KCNH1: variants seen among roughly 807,000 people sequenced by gnomAD.
KCNH1 encodes voltage-gated delayed rectifier potassium channel KCNH1.
In KCNH1, 27 loss-of-function variants were observed where a neutral mutation model predicts 69.2. The ratio of observed to expected loss-of-function variants is 0.39; its 90% CI spans 0.29 to 0.54. The LOEUF is 0.54. Among genes scored for constraint, KCNH1 ranks in the 20% least tolerant of loss-of-function variants. The probability of loss-of-function intolerance (pLI) is 0.68; values close to 1 mark genes in which losing one functional copy is unlikely to be tolerated. For synonymous variants in KCNH1, 456 were observed against 487.7 expected (o/e 0.93, Z 0.86); for missense variants, 798 against 1,261.6 (o/e 0.63, Z 5.57).
At chr1:210,846,118 T>C (rs1574292256) in intron 7 of KCNH1, among the ~76,000 whole-genome samples, 1 of 152,202 alleles carries the variant, frequency 6.6e-6, no homozygotes, top group Admixed American at 6.5e-5. Context: ...TGCTCATGTG[T>C]AGGAAGAATC....
chr1:210,873,493 G>A (rs1686295096), intron 7 of KCNH1, among the ~76,000 whole-genome samples: 1 of 152,048 alleles, frequency 6.6e-6, no homozygotes, highest in South Asian at 2.1e-4. Flanking sequence ...GACTACAGGT[G>A]CATGCCACTG....
intron 5 of KCNH1, among the ~76,000 whole-genome samples, chr1:211,060,256 C>A (rs1294308018): frequency 6.6e-6 from 1 of 151,484 alleles, no homozygotes; most frequent in Non-Finnish European, 1.5e-5. Context: ...AAAGTTTATA[C>A]CAATAAATGC....
At chr1:210,782,809 GT>G (rs1366313785) in intron 9 of KCNH1, among the ~76,000 whole-genome samples, 6 of 152,212 alleles carry the variant, frequency 3.9e-5, no homozygotes, top group African/African-American at 1.4e-4. Flanking sequence ...TGAGGACACA[GT>G]AAGAAGGCAC....
At position 211,104,012 on chromosome 1, in the gene KCNH1, G is replaced by T. The variant is rs1691309686; in HGVS notation, c.204-410C>A. ...AAGGAGGGGAAATGGCTGAGAGAAA[G>T]AAGGAGAAAAACATTCCAAACAAAA... On this transcript the variant is annotated intron_variant, in intron 2 of 10. Transcript: ENST00000271751. Among the ~76,000 whole-genome samples, 3 of 152,166 alleles carry T rather than the reference G, an allele frequency of 2.0e-5. No homozygotes were observed. In the South Asian group the frequency reaches 6.2e-4, roughly 32 times the overall value.
At chr1:210,932,036 A>C (rs1194823443) in intron 6 of KCNH1, among the ~76,000 whole-genome samples, 1 of 152,144 alleles carries the variant, frequency 6.6e-6, no homozygotes, top group Non-Finnish European at 1.5e-5. Flanking sequence ...AGACAGTAAA[A>C]GGAACAGAAA....
chr1:210,751,356 C>G (rs115681985), intron 10 of KCNH1, among the ~76,000 whole-genome samples: 3,172 of 152,170 alleles, frequency 0.021, 107 homozygotes, highest in African/African-American at 0.072. Context: ...CATCCTCACA[C>G]GAAGAAAGCA....
At chr1:210,942,597 A>T (rs1228951446) in intron 6 of KCNH1, among the ~76,000 whole-genome samples, 3 of 152,194 alleles carry the variant, frequency 2.0e-5, no homozygotes, top group Non-Finnish European at 4.4e-5. Context: ...ATGAGAGTTA[A>T]TAAATAAGGA....
chr1:210,921,677 G>A (rs1156559240), intron 6 of KCNH1, among the ~76,000 whole-genome samples: 2 of 152,116 alleles, frequency 1.3e-5, no homozygotes, highest in East Asian at 1.9e-4. Flanking sequence ...TCCAGGCCAC[G>A]GCAGTTAATA....
rs532043413 is a variant in KCNH1 at position 211,040,968 on chromosome 1, C to A, written c.559-21712G>T. Among the ~76,000 whole-genome samples the A allele has an allele frequency of 3.5e-4, 53 of 152,318 alleles. 1 individual carries two copies. Among genetic ancestry groups the A allele is most frequent in the African/African-American group, 1.3e-3 (52 of 41,578 alleles). ...CACCTCCTCAAATGCTTTACCCAAG[C>A]CCTCAACCTGTGATCCTCTCCTTTT... On this transcript the variant is annotated intron_variant, in intron 5 of 10. Transcript: ENST00000271751.
In KCNH1 at chr1:211,133,602, C is replaced by T. The variant is rs1346377383; in HGVS notation, c.79+265G>A. 1.3e-5 allele frequency among the ~76,000 whole-genome samples: 2 copies of T among 152,160 alleles called. No homozygotes were observed. The highest frequency in any genetic ancestry group is 4.8e-5 in the African/African-American group (2 of 41,442). ...CTTTGCTCAGCAGCTGTCACGCATC[C>T]TTGGAGATAAGACCGAGAGGGCGCT... is the stretch of plus-strand genomic sequence containing the variant. On this transcript the variant is annotated intron_variant, in intron 1 of 10. Coordinates refer to ENST00000271751, the MANE Select transcript of KCNH1 (RefSeq NM_172362.3). The surrounding 1 kb of genome is among the most constrained non-coding windows in gnomAD (Gnocchi z 5.4).
chr1:210,830,313 C>A (rs538577825), intron 7 of KCNH1, among the ~76,000 whole-genome samples: 15 of 152,178 alleles, frequency 9.9e-5, no homozygotes, highest in Non-Finnish European at 1.8e-4. Flanking sequence ...TCAAGAGCTC[C>A]TTCCTCAGTG....
At chr1:211,042,684 A>G (rs1003438828) in intron 5 of KCNH1, among the ~76,000 whole-genome samples, 1 of 152,204 alleles carries the variant, frequency 6.6e-6, no homozygotes. Flanking sequence ...TCATCAGCAC[A>G]TGGAACTTTC....
chr1:210,785,447 T>C (rs896747978), intron 9 of KCNH1, among the ~76,000 whole-genome samples: 4 of 150,810 alleles, frequency 2.7e-5, no homozygotes. Flanking sequence ...CAGGCTGGAG[T>C]GCAGTGGTGC....
intron 6 of KCNH1, among the ~76,000 whole-genome samples, chr1:210,984,638 T>C (rs1206107071): frequency 6.6e-6 from 1 of 152,124 alleles, no homozygotes; most frequent in Non-Finnish European, 1.5e-5. Context: ...TTGATCATGG[T>C]GGCTAAGCAT....
At chr1:211,054,336 T>A (rs1211746374) in intron 5 of KCNH1, among the ~76,000 whole-genome samples, 1 of 152,004 alleles carries the variant, frequency 6.6e-6, no homozygotes, top group East Asian at 1.9e-4. Context: ...CATATGATTC[T>A]AAAATATTCA....
At chr1:210,794,987 T>A (rs918503135) in intron 9 of KCNH1, among the ~76,000 whole-genome samples, 1 of 152,206 alleles carries the variant, frequency 6.6e-6, no homozygotes, top group African/African-American at 2.4e-5. Context: ...CACAGTTGAA[T>A]CTCACTTCTC....
chr1:210,826,689 C>T (rs915065739), intron 7 of KCNH1, among the ~76,000 whole-genome samples: 3 of 152,222 alleles, frequency 2.0e-5, no homozygotes, highest in Non-Finnish European at 4.4e-5. Flanking sequence ...TTCTTCTCTC[C>T]ATGAAATTAT....
At chr1:211,035,754 T>C (rs1485072816) in intron 5 of KCNH1, among the ~76,000 whole-genome samples, 1 of 152,170 alleles carries the variant, frequency 6.6e-6, no homozygotes, top group Non-Finnish European at 1.5e-5. Flanking sequence ...AGTTCTTTAT[T>C]ACAGAAAACC....
intron 6 of KCNH1, among the ~76,000 whole-genome samples, chr1:210,958,668 A>G (rs1688231888): frequency 1.3e-5 from 2 of 152,136 alleles, no homozygotes; most frequent in African/African-American, 4.8e-5. Flanking sequence ...TTGATCTTCA[A>G]TCACTGATAT....
Sources: allele counts gnomAD v4.1 joint callset (sites outside exome capture counted in the v4.1 genomes callset), GRCh38; gene constraint gnomAD v4.1.1; non-coding constraint Gnocchi (gnomAD v3.1); transcripts MANE v1.5; gene names NCBI Gene and HGNC (gene_info 2026-07-23, HGNC 2026-07-21).